UPK1B: variants seen among roughly 807,000 people sequenced by gnomAD.
UPK1B encodes the protein uroplakin-1b.
UPK1B carries 28 observed loss-of-function variants against 34.2 expected under a neutral mutation model. The ratio of observed to expected loss-of-function variants is 0.82; its 90% CI spans 0.61 to 1.12. UPK1B has a LOEUF of 1.12. Ranked by LOEUF, UPK1B falls within the 50% of genes most tolerant of loss-of-function variation. The pLI is 0.00. For missense variants in UPK1B, 325 were observed against 320.9 expected, an observed-to-expected ratio of 1.01 and a Z score of -0.10; for synonymous variants, 81 against 110.4, an observed-to-expected ratio of 0.73 and a Z score of 1.67.
intron 6 of UPK1B, among the ~76,000 whole-genome samples, chr3:119,196,542 T>C (rs1350054693): frequency 6.9e-6 from 1 of 145,160 alleles, no homozygotes; most frequent in Non-Finnish European, 1.5e-5. Flanking sequence ...TTTCTTTTTT[T>C]TTTTTTTTTT....
In UPK1B at chr3:119,187,989, A is replaced by C. The variant is rs1236833502; in HGVS notation, c.270+14A>C. On this transcript the variant is annotated intron_variant, in intron 3 of 7. Transcript: ENST00000264234. Reference sequence around the variant, plus strand: ...ATTCTTCTGGCGGTAAGACCTCAAAATTCTCTGGAGTTGTCTCCCTGAGCC... The same window carrying C: ...ATTCTTCTGGCGGTAAGACCTCAAACTTCTCTGGAGTTGTCTCCCTGAGCC... 1.9e-6 allele frequency: 3 copies of C among 1,613,940 alleles called. No individual in the cohort carries two copies. Among genetic ancestry groups the C allele is most frequent in the Non-Finnish European group, 1.7e-6 (2 of 1,179,832 alleles).
Position 119,204,179 on chromosome 3 carries a change from T to TA in UPK1B, c.*213dup. ...TCCTAGTCTAGCATTCTGCAACATTTATATAGACTGTTGAAAGGAGAATTT... is the reference window on the plus strand; with the variant it reads ...TCCTAGTCTAGCATTCTGCAACATTTAATATAGACTGTTGAAAGGAGAATTT... On this transcript the variant is annotated 3_prime_UTR_variant, in exon 8 of 8. Coordinates refer to ENST00000264234, the MANE Select transcript of UPK1B (RefSeq NM_006952.4). 3.7e-6 allele frequency: 2 copies of TA among 538,958 alleles called. No individual in the cohort carries two copies. Among genetic ancestry groups the TA allele is most frequent in the East Asian group, 5.8e-5 (2 of 34,726 alleles). The allele number at this position is 538,958 out of a possible 1,614,324, so 33.4% of individuals were successfully genotyped here.
chr3:119,187,468 A>T, intron 2 of UPK1B, among the ~76,000 whole-genome samples: 1 of 152,230 alleles, frequency 6.6e-6, no homozygotes, highest in East Asian at 1.9e-4. Flanking sequence ...GGGTCATGAC[A>T]TGGGGGCAGG....
intron 3 of UPK1B, among the ~76,000 whole-genome samples, chr3:119,189,788 G>T (rs1329322526): frequency 6.6e-6 from 1 of 152,194 alleles, no homozygotes; most frequent in East Asian, 1.9e-4. Flanking sequence ...TCAGCAAATT[G>T]TAAAGAAAAT....
Position 119,191,089 on chromosome 3 carries a change from C to G in UPK1B, c.453C>G (p.Asp151Glu), listed in dbSNP as rs757277683. 11 of 1,613,968 alleles carry G rather than the reference C, an allele frequency of 6.8e-6. No homozygotes were observed. In the South Asian group the frequency reaches 1.1e-4, roughly 16 times the overall value. Residue 151 changes from aspartate to glutamate, a missense_variant, in exon 5 of 8, where the codon GAC becomes GAG. Transcript: ENST00000264234. ...WKNNGVTKTW[D>E]RLMLQDNCCG... ...ACAATGGAGTCACCAAAACCTGGGACAGGCTCATGCTCCAGGTAAGACCTG... is the reference window on the plus strand; with the variant it reads ...ACAATGGAGTCACCAAAACCTGGGAGAGGCTCATGCTCCAGGTAAGACCTG...
chr3:119,198,951 C>A lies in UPK1B; in HGVS notation c.649-106C>A, dbSNP rs1331943454. On this transcript the variant is annotated intron_variant, in intron 6 of 7. Transcript: ENST00000264234. ...TGGAAATAGCCTGGATATGTGAAAT[C>A]AGAATTTTGAGTAGCATTGATTCCA... 3.9e-6 allele frequency: 5 copies of A among 1,274,600 alleles called. No homozygotes were observed. In the African/African-American group the frequency reaches 5.9e-5, roughly 15 times the overall value. 79.0% of individuals were successfully genotyped at this position (1,274,600 alleles called of 1,614,324 possible).
chr3:119,190,352 A>T, intron 4 of UPK1B, 33 bp downstream of exon 4: 1 of 1,518,478 alleles, frequency 6.6e-7, no homozygotes, highest in Non-Finnish European at 9.1e-7. Flanking sequence ...AAATAATATG[A>T]ATTATCATTA....
intron 6 of UPK1B, among the ~76,000 whole-genome samples, 184 bp from the exon 7 acceptor site, chr3:119,198,873 T>C (rs1402444448): frequency 6.6e-6 from 1 of 152,216 alleles, no homozygotes; most frequent in African/African-American, 2.4e-5. Context: ...TCAACAGTAT[T>C]GTTTATGTTC....
chr3:119,178,466 A>G (rs1015436063), intron 1 of UPK1B, among the ~76,000 whole-genome samples: 7 of 152,174 alleles, frequency 4.6e-5, no homozygotes, highest in Non-Finnish European at 8.8e-5. Context: ...GGGGAGATAT[A>G]AATTCAGAGC....
intron 6 of UPK1B, among the ~76,000 whole-genome samples, chr3:119,195,660 T>A (rs182551573): frequency 6.6e-6 from 1 of 152,380 alleles, no homozygotes; most frequent in African/African-American, 2.4e-5. Context: ...AGGCTTTTGA[T>A]ATTTCAACAC....
chr3:119,187,051 C>G (rs2078022345), intron 2 of UPK1B, among the ~76,000 whole-genome samples: 1 of 152,216 alleles, frequency 6.6e-6, no homozygotes, highest in Admixed American at 6.5e-5. Flanking sequence ...TAAAAGGAGT[C>G]ATGTCAACCA....
intron 1 of UPK1B, among the ~76,000 whole-genome samples, chr3:119,182,321 C>T (rs962306135): frequency 6.6e-6 from 1 of 152,168 alleles, no homozygotes; most frequent in African/African-American, 2.4e-5. Flanking sequence ...GCTGTGAGAC[C>T]AGTCACTGTT....
chr3:119,184,773 G>T (rs1234331055), intron 1 of UPK1B, among the ~76,000 whole-genome samples: 1 of 152,180 alleles, frequency 6.6e-6, no homozygotes, highest in Non-Finnish European at 1.5e-5. Flanking sequence ...AGAAGAAATT[G>T]TCTTATTTCA....
intron 3 of UPK1B, among the ~76,000 whole-genome samples, chr3:119,188,500 T>G (rs78207845): frequency 0.015 from 2,291 of 152,350 alleles, 64 homozygotes; most frequent in African/African-American, 0.052. Context: ...ACTCCCCACA[T>G]TATCATCCAA....
Position 119,194,291 on chromosome 3 carries a change from GA to G in UPK1B, c.542del (p.Asp181ValfsTer13). ...ATCTGCCTTCCGGACTGAGAATAAT[GA>G]TGCTGACTATCCCTGGCCTCGTCAA... ...YTSAFRTENN[D>X]ADYPWPRQCC... On this transcript the variant is annotated frameshift_variant, in exon 6 of 8. Coordinates refer to ENST00000264234, the MANE Select transcript of UPK1B (RefSeq NM_006952.4). LOFTEE classifies it high-confidence loss of function. 6.2e-7 allele frequency: 1 copy of G among 1,614,016 alleles called. No homozygotes were observed. Among genetic ancestry groups the G allele is most frequent in the South Asian group, 1.1e-5 (1 of 91,072 alleles).
At chr3:119,200,817 G>A (rs777916633) in intron 7 of UPK1B, among the ~76,000 whole-genome samples, 7 of 152,140 alleles carry the variant, frequency 4.6e-5, no homozygotes, top group East Asian at 1.9e-4. Flanking sequence ...CAACCATAGC[G>A]TGTCTGTTCA....
At chr3:119,177,345 C>T (rs566058453) in intron 1 of UPK1B, among the ~76,000 whole-genome samples, 1 of 152,270 alleles carries the variant, frequency 6.6e-6, no homozygotes, top group Non-Finnish European at 1.5e-5. Flanking sequence ...GATCTCCCTA[C>T]CTTAAAAAGA....
At position 119,204,049 on chromosome 3, in the gene UPK1B, G is replaced by A. The variant is rs1351222467; in HGVS notation, c.*82G>A. 17 of 1,502,606 alleles carry A rather than the reference G, an allele frequency of 1.1e-5. No individual in the cohort carries two copies. The highest frequency in any genetic ancestry group is 2.3e-5 in the South Asian group (2 of 88,786). 93.1% of individuals were successfully genotyped at this position (1,502,606 alleles called of 1,614,324 possible). A position where few individuals can be genotyped will look rare whatever the true frequency, so the allele number is the denominator to read the frequency against. On this transcript the variant is annotated 3_prime_UTR_variant, in exon 8 of 8. Transcript: ENST00000264234. Reference sequence around the variant, plus strand: ...AACCAGCTCTCTCCTAATATTCCACGTTTGTGCCCCACACTAACGTGTGTG... The same window carrying A: ...AACCAGCTCTCTCCTAATATTCCACATTTGTGCCCCACACTAACGTGTGTG...
rs574972113 is a variant in UPK1B, at chr3:119,203,211, C to T, written c.733-706C>T. ...CAAAAATTAGCCGGGCATGGTGGCG[C>T]GTGCCTGTAGTCCCAGCTACACAGG... is the stretch of plus-strand genomic sequence containing the variant. On this transcript the variant is annotated intron_variant, in intron 7 of 7. Transcript: ENST00000264234. Among the ~76,000 whole-genome samples, 248 of 151,576 alleles carry T rather than the reference C, an allele frequency of 1.6e-3. 2 individuals are homozygous for T. The highest frequency in any genetic ancestry group is 5.6e-3 in the African/African-American group (233 of 41,338).
Sources: gnomAD v4.1 joint callset for allele counts (sites outside exome capture counted in the v4.1 genomes callset) on GRCh38, gnomAD v4.1.1 for gene constraint, MANE v1.5 for transcripts, NCBI Gene and HGNC (gene_info 2026-07-23, HGNC 2026-07-21) for gene names.